The following PTK2B variants were observed in gnomAD, a reference collection of about 807,000 sequenced individuals.
PTK2B encodes protein tyrosine kinase 2 beta.
In PTK2B, 71 loss-of-function variants were observed where a neutral mutation model predicts 142.9. That is an observed-to-expected ratio of 0.50 (90% CI 0.41 to 0.61). The LOEUF is 0.61. Among genes scored for constraint, PTK2B ranks in the 20% least tolerant of loss-of-function variants. The pLI is 0.00. For missense variants in PTK2B, 1,105 were observed against 1,320.4 expected (o/e 0.84, Z 2.53); for synonymous variants, 519 against 503.4 (o/e 1.03, Z -0.42).
rs560378549 is a variant in PTK2B at position 27,402,987 on chromosome 8, T to C, written c.204+5199T>C. On this transcript the variant is annotated intron_variant, in intron 2 of 30. Transcript: ENST00000346049. ...TTTACATGCAGAGGAGCAGCTTTGC[T>C]GTGTAGTGCCTGTGTGGGGATGCAG... Among the ~76,000 whole-genome samples, 5 of 152,350 alleles carry C rather than the reference T, an allele frequency of 3.3e-5. No individual in the cohort carries two copies. The East Asian group carries it at 9.6e-4, about 29-fold the overall frequency.
chr8:27,328,059 C>G (rs1331753152), intron 1 of PTK2B, among the ~76,000 whole-genome samples: 1 of 152,116 alleles, frequency 6.6e-6, no homozygotes, highest in Non-Finnish European at 1.5e-5. Context: ...GGGGTTAGCC[C>G]TTGGGTTGGG....
chr8:27,414,844 G>T (rs181211510), intron 2 of PTK2B, among the ~76,000 whole-genome samples: 3 of 151,764 alleles, frequency 2.0e-5, no homozygotes, highest in Non-Finnish European at 2.9e-5. Flanking sequence ...CTCACTCCCT[G>T]TTTGGTTACA....
At chr8:27,431,219 G>A (rs1810397108) in intron 8 of PTK2B, 179 bp from the exon 9 acceptor site, 2 of 1,485,622 alleles carry the variant, frequency 1.3e-6, no homozygotes, top group South Asian at 2.7e-5. Flanking sequence ...AGCTCTGGGA[G>A]GTGGGCAGGA....
intron 1 of PTK2B, among the ~76,000 whole-genome samples, chr8:27,349,495 T>G (rs1804914158): frequency 6.6e-6 from 1 of 152,104 alleles, no homozygotes; most frequent in African/African-American, 2.4e-5. Flanking sequence ...AGTTTTGGAG[T>G]TGGATTCTCA....
chr8:27,392,176 A>G (rs776542976), intron 1 of PTK2B, among the ~76,000 whole-genome samples: 2 of 152,242 alleles, frequency 1.3e-5, no homozygotes, highest in Non-Finnish European at 2.9e-5. Flanking sequence ...ATCATCAAGA[A>G]GAAGAGCTGG....
rs147218792 is a variant in PTK2B, at chr8:27,419,944, G to A, written c.254G>A (p.Arg85Gln). 80 of 1,614,090 alleles carry A rather than the reference G, an allele frequency of 5.0e-5. No individual in the cohort carries two copies. The highest frequency in any genetic ancestry group is 1.1e-4 in the African/African-American group (8 of 74,912). ...LLSGRIGPNI[R>Q]LAECYGLRLK... ...AGCGGGCGGATCGGGCCCAACATCC[G>A]GTTGGCTGAGTGCTATGGGCTGAGG... The change falls in exon 3 of 31, where the codon CGG becomes CAG. Residue 85 changes from arginine to glutamine, a missense_variant. Physicochemically the swap from Arg to Gln is conservative, Grantham distance 43. Coordinates refer to ENST00000346049, the MANE Select transcript of PTK2B (RefSeq NM_173176.3).
At chr8:27,432,210 C>T in intron 9 of PTK2B, 50 bp from the exon 10 acceptor site, 1 of 1,564,236 alleles carries the variant, frequency 6.4e-7, no homozygotes, top group Non-Finnish European at 8.8e-7. Flanking sequence ...ATCTGCATGG[C>T]CTAGTCCTGG....
intron 11 of PTK2B, among the ~76,000 whole-genome samples, chr8:27,433,879 G>A (rs1302547747): frequency 6.6e-6 from 1 of 152,248 alleles, no homozygotes; most frequent in African/African-American, 2.4e-5. Context: ...GGAAGCAGGG[G>A]TCACAGCTGG....
chr8:27,395,074 T>TC (rs1807961600), intron 1 of PTK2B, among the ~76,000 whole-genome samples: 1 of 152,156 alleles, frequency 6.6e-6, no homozygotes, highest in Admixed American at 6.5e-5. Flanking sequence ...TAACTTTTTT[T>TC]TTTATAAGTA....
intron 24 of PTK2B, 131 bp downstream of exon 24, chr8:27,446,050 AC>A (rs1267439593): frequency 7.4e-7 from 1 of 1,353,282 alleles, no homozygotes; most frequent in Non-Finnish European, 1.0e-6. Flanking sequence ...CAGTCAGGCC[AC>A]TGAGGTGGCA....
At chr8:27,358,561 G>A (rs1191814464) in intron 1 of PTK2B, among the ~76,000 whole-genome samples, 1 of 151,762 alleles carries the variant, frequency 6.6e-6, no homozygotes, top group East Asian at 1.9e-4. Context: ...ATGTTTTTAG[G>A]TTTGCTTCTT....
At chr8:27,340,935 C>G (rs1804359044) in intron 1 of PTK2B, among the ~76,000 whole-genome samples, 1 of 152,234 alleles carries the variant, frequency 6.6e-6, no homozygotes, top group Admixed American at 6.5e-5. Flanking sequence ...ACAGACAGGG[C>G]TTGGCCAGGC....
intron 2 of PTK2B, among the ~76,000 whole-genome samples, chr8:27,409,210 C>A (rs1324020637): frequency 6.6e-6 from 1 of 152,142 alleles, no homozygotes; most frequent in African/African-American, 2.4e-5. Context: ...TTCAACATAT[C>A]CTTTTGGGGA....
intron 1 of PTK2B, among the ~76,000 whole-genome samples, chr8:27,364,570 C>T (rs760803777): frequency 6.6e-6 from 1 of 152,196 alleles, no homozygotes; most frequent in Non-Finnish European, 1.5e-5. Flanking sequence ...GGGAGACATT[C>T]GCTCAGTACT....
At chr8:27,318,685 C>T (rs925464210) in intron 3 of PTK2B, among the ~76,000 whole-genome samples, 8 of 152,188 alleles carry the variant, frequency 5.3e-5, no homozygotes, top group African/African-American at 1.9e-4. Context: ...GAGTATTGCT[C>T]TATTGCCCAG....
At chr8:27,311,342 C>A (rs1037729209), upstream of PTK2B, 3 of 1,335,052 alleles carry the variant, frequency 2.2e-6, no homozygotes, top group South Asian at 3.1e-5. Context: ...CAGTCCCTTC[C>A]CCTGGAACGC....
chr8:27,445,721 G>A (rs537018009), intron 23 of PTK2B, 73 bp from the exon 24 acceptor site: 56 of 1,592,456 alleles, frequency 3.5e-5, no homozygotes, highest in Middle Eastern at 3.3e-4. Context: ...CTTTGTGCTC[G>A]TGTTTGTAGC....
chr8:27,454,458 G>A, intron 29 of PTK2B, 73 bp from the exon 30 acceptor site: 2 of 1,573,968 alleles, frequency 1.3e-6, no homozygotes, highest in Non-Finnish European at 1.7e-6. Context: ...CCCCAGGAGA[G>A]CTCTTCCCAG....
chr8:27,430,670 G>A lies in PTK2B; in HGVS notation c.670-206G>A, dbSNP rs563797972. ...CCCCAGTACTGGGAAGCTACCCCTC[G>A]CCCCCTCAACCTCCTTCGTAGGGTT... On this transcript the variant is annotated intron_variant, in intron 7 of 30. Coordinates refer to ENST00000346049, the MANE Select transcript of PTK2B (RefSeq NM_173176.3). Among the ~76,000 whole-genome samples, 195 of 152,186 alleles carry A rather than the reference G, an allele frequency of 1.3e-3. 2 individuals are homozygous for A. Among genetic ancestry groups the A allele is most frequent in the Non-Finnish European group, 2.6e-4 (18 of 67,994 alleles).
Sources: allele counts gnomAD v4.1 joint callset (sites outside exome capture counted in the v4.1 genomes callset), GRCh38; gene constraint gnomAD v4.1.1; transcripts MANE v1.5; gene names NCBI Gene and HGNC (gene_info 2026-07-23, HGNC 2026-07-21).